Variants in UPF3B observed in about 807,000 individuals in gnomAD.
UPF3B encodes regulator of nonsense transcripts 3B.
In UPF3B, 7 loss-of-function variants were observed where a neutral mutation model predicts 40.3. The ratio of observed to expected loss-of-function variants is 0.17; its 90% CI spans 0.10 to 0.33. The LOEUF (loss-of-function observed/expected upper bound fraction) is 0.33. UPF3B is among the 10% of genes least tolerant of loss of function. The pLI, the probability that UPF3B is intolerant of heterozygous loss-of-function variation, is 1.00. For synonymous variants in UPF3B, 117 were observed against 117.3 expected (o/e 1.00, Z 0.01); for missense variants, 229 against 358.9 (o/e 0.64, Z 2.93).
intron 5 of UPF3B, among the ~76,000 whole-genome samples, chrX:119,807,967 A>C (rs765720417): frequency 9.0e-6 from 1 of 111,350 alleles, no homozygotes; most frequent in South Asian, 3.8e-4. Flanking sequence ...CTAAGTTTTT[A>C]AATTTTTAGT....
chrX:119,824,741 A>C (rs1374595710), intron 3 of UPF3B, among the ~76,000 whole-genome samples: 1 of 105,757 alleles, frequency 9.5e-6, no homozygotes, highest in Non-Finnish European at 1.9e-5. Flanking sequence ...TAACACCATT[A>C]ACCTATGTAT....
intron 3 of UPF3B, among the ~76,000 whole-genome samples, chrX:119,823,513 C>G (rs775200010): frequency 1.5e-4 from 16 of 109,549 alleles, no homozygotes; most frequent in Non-Finnish European, 2.7e-4. Flanking sequence ...CTAGGGTTAC[C>G]TGCAGGAGCC....
rs1203276664 is a variant in UPF3B at position 119,824,129 on chromosome X, C to A, written c.393-1086G>T. On this transcript the variant is annotated intron_variant, in intron 3 of 6. Coordinates refer to the UPF3B transcript ENST00000636792. ...AAAAATTGCTTCGCAGGAGGGAGGG[C>A]CCTCCTGTGGTTTCACTGGTTGATC... 2.9e-5 allele frequency among the ~76,000 whole-genome samples: 3 copies of A among 101,919 alleles called. No homozygotes were observed. In the East Asian group the frequency reaches 9.3e-4, roughly 32 times the overall value. 88.5% of individuals were successfully genotyped at this position (101,919 alleles called of 115,157 possible). A position where few individuals can be genotyped will look rare whatever the true frequency, so the allele number is the denominator to read the frequency against.
At chrX:119,805,594 G>A (rs1038788709) in intron 6 of UPF3B, among the ~76,000 whole-genome samples, 63 of 111,589 alleles carry the variant, frequency 5.6e-4, no homozygotes, top group African/African-American at 1.9e-3. Context: ...CTCATCTGAC[G>A]AAGGGCTAAT....
chrX:119,849,565 A>C (rs2056276530), intron 3 of UPF3B, among the ~76,000 whole-genome samples: 2 of 110,629 alleles, frequency 1.8e-5, no homozygotes, highest in Admixed American at 1.9e-4. Context: ...CAAAACTGTG[A>C]TATATTTGAG....
intron 5 of UPF3B, among the ~76,000 whole-genome samples, chrX:119,814,855 CTTTCTTT>C (rs1267200198): frequency 2.5e-5 from 2 of 80,899 alleles, no homozygotes; most frequent in African/African-American, 9.5e-5. Flanking sequence ...TCTTTTCTTT[CTTTCTTT>C]TTTTTTTTTT....
chrX:119,825,831 T>C (rs1303940293), intron 3 of UPF3B, among the ~76,000 whole-genome samples: 2 of 111,802 alleles, frequency 1.8e-5, no homozygotes, highest in Non-Finnish European at 3.8e-5. Flanking sequence ...CCACATCAAT[T>C]TGCAAGGAAA....
intron 3 of UPF3B, among the ~76,000 whole-genome samples, chrX:119,828,689 T>C (rs1035204233): frequency 1.9e-5 from 2 of 104,729 alleles, no homozygotes; most frequent in African/African-American, 3.5e-5. Context: ...AAAAAAAAAA[T>C]CTCCTTATAG....
downstream of UPF3B, among the ~76,000 whole-genome samples, chrX:119,829,876 CAGTTTCATT>C (rs960068201): frequency 4.5e-5 from 5 of 111,709 alleles, no homozygotes; most frequent in African/African-American, 1.6e-4. Context: ...TTTAGGTCAT[CAGTTTCATT>C]AGTTCACTAA....
At chrX:119,838,344 A>T in intron 9 of UPF3B, 23 bp downstream of exon 9, 1 of 1,207,382 alleles carries the variant, frequency 8.3e-7, no homozygotes, top group Non-Finnish European at 1.1e-6. Flanking sequence ...ATCAAACATA[A>T]CAAAGAGTCC....
chrX:119,823,631 T>G (rs1477042923), intron 3 of UPF3B, among the ~76,000 whole-genome samples: 1 of 98,010 alleles, frequency 1.0e-5, no homozygotes, highest in Admixed American at 1.2e-4. Flanking sequence ...TGGTGTGATC[T>G]CGGCTCACTG....
At chrX:119,851,968 A>G (rs2056309826) in intron 1 of UPF3B, 95 bp from the exon 2 acceptor site, 1 of 579,389 alleles carries the variant, frequency 1.7e-6, no homozygotes, top group African/African-American at 2.3e-5. Context: ...GGGCTTTAAA[A>G]TATGAGATCA....
intron 6 of UPF3B, among the ~76,000 whole-genome samples, chrX:119,806,015 TATA>T (rs1293825215): frequency 1.2e-5 from 1 of 80,450 alleles, no homozygotes; most frequent in African/African-American, 4.7e-5. Context: ...ATCATGCTGC[TATA>T]AAGACACATG....
intron 3 of UPF3B, among the ~76,000 whole-genome samples, chrX:119,828,157 G>T (rs888967560): frequency 9.0e-6 from 1 of 110,736 alleles, no homozygotes; most frequent in East Asian, 2.9e-4. Flanking sequence ...AGGTTCAAGC[G>T]GTTCTCCTGA....
chrX:119,841,544 G>A (rs1447722677), intron 6 of UPF3B, among the ~76,000 whole-genome samples, 191 bp downstream of exon 6: 1 of 112,145 alleles, frequency 8.9e-6, no homozygotes, highest in East Asian at 2.8e-4. Flanking sequence ...CGTTTGTAGA[G>A]TGAACTCCTG....
Position 119,835,704 on chromosome X carries a change from C to T in UPF3B, c.1303-677G>A, listed in dbSNP as rs748717428. On this transcript the variant is annotated intron_variant, in intron 10 of 10. Coordinates refer to ENST00000276201, the MANE Select transcript of UPF3B (RefSeq NM_080632.3). ...GGAAATTGTTTAGATTAAAAGAAAA[C>T]TTGGCTGGGTGCAGTGGCTCATACC... Among the ~76,000 whole-genome samples the T allele has an allele frequency of 2.7e-5, 3 of 112,479 alleles. No individual in the cohort carries two copies. In the East Asian group the frequency reaches 8.4e-4, roughly 31 times the overall value.
chrX:119,850,559 AC>A (rs2056290137), intron 3 of UPF3B, among the ~76,000 whole-genome samples: 1 of 111,868 alleles, frequency 8.9e-6, no homozygotes, highest in Admixed American at 9.6e-5. Flanking sequence ...ATTGAAAAAA[AC>A]AAAACAAAAC....
Position 119,840,695 on chromosome X carries a change from T to C in UPF3B, c.808-11A>G. On this transcript the variant is annotated splice_polypyrimidine_tract_variant and intron_variant, in intron 7 of 10. Coordinates refer to ENST00000276201, the MANE Select transcript of UPF3B (RefSeq NM_080632.3). ...CAGAAACCTGTGTACCTGAAGACAG[T>C]GGAAAACAAACAGATGAGGTAACTT... 8.3e-7 allele frequency: 1 copy of C among 1,204,643 alleles called. No homozygotes were observed. Among genetic ancestry groups the C allele is most frequent in the South Asian group, 1.8e-5 (1 of 56,604 alleles).
intron 4 of UPF3B, among the ~76,000 whole-genome samples, chrX:119,815,942 C>T (rs1174755393): frequency 3.6e-5 from 4 of 111,011 alleles, no homozygotes; most frequent in South Asian, 7.6e-4. Context: ...CCACCAAGCC[C>T]GGCTAATTTT....
Sources: gnomAD v4.1 joint callset for allele counts (sites outside exome capture counted in the v4.1 genomes callset) on GRCh38, gnomAD v4.1.1 for gene constraint, MANE v1.5 for transcripts, NCBI Gene and HGNC (gene_info 2026-07-23, HGNC 2026-07-21) for gene names.